TMEM59L: variants seen among roughly 807,000 people sequenced by gnomAD.
TMEM59L encodes transmembrane protein 59 like, also known as transmembrane protein 59-like.
In TMEM59L, 31 loss-of-function variants were observed where a neutral mutation model predicts 39.6. That is an observed-to-expected ratio of 0.78 (90% CI 0.59 to 1.06). TMEM59L has a LOEUF of 1.06. Ranked by LOEUF, TMEM59L falls within the 50% of genes least tolerant of loss-of-function variation. The pLI is 0.00. For synonymous variants in TMEM59L, 219 were observed against 202.9 expected (o/e 1.08, Z -0.68); for missense variants, 441 against 451.3 (o/e 0.98, Z 0.21).
At chr19:18,620,061 C>A (rs1412798638) in intron 7 of TMEM59L, among the ~76,000 whole-genome samples, 1 of 150,700 alleles carries the variant, frequency 6.6e-6, no homozygotes, top group African/African-American at 2.4e-5. Context: ...AATTCCAGCA[C>A]TTTGGGAGGC....
chr19:18,613,466 T>C (rs1438562018), intron 1 of TMEM59L, among the ~76,000 whole-genome samples: 1 of 149,282 alleles, frequency 6.7e-6, no homozygotes, highest in Non-Finnish European at 1.5e-5. Context: ...CTCCACATCG[T>C]GTTCCCTCCC....
chr19:18,613,049 C>G lies in TMEM59L; in HGVS notation c.91C>G (p.Pro31Ala), dbSNP rs1409726340. 4 of 1,388,764 alleles carry G rather than the reference C, an allele frequency of 2.9e-6. No individual in the cohort carries two copies. The allele number at this position is 1,388,764 out of a possible 1,614,324, so 86.0% of individuals were successfully genotyped here. The part of the protein sequence containing the change: ...PAASAPSARD[P>A]FAPQLGDTQN... ...CGCCTCCGCGCCGTCCGCCCGCGAT[C>G]CCTTCGCCCCCCAGCTCGGGGACAC... Residue 31 changes from proline (P) to alanine (A), a missense_variant, in exon 1 of 8, where the codon CCC (proline) becomes GCC (alanine). Pro to Ala is a conservative substitution (Grantham distance 27). Transcript: ENST00000262817.
In TMEM59L at chr19:18,620,556, C is replaced by T; in HGVS notation, c.*20C>T. 6.2e-7 allele frequency: 1 copy of T among 1,610,894 alleles called. No homozygotes were observed. ...CTGTAGGCCTCCACTGGCCCCATCACTGCCAACTGCAGGGGGCCCCTCGGG... is the reference window on the plus strand; with the variant it reads ...CTGTAGGCCTCCACTGGCCCCATCATTGCCAACTGCAGGGGGCCCCTCGGG... On this transcript the variant is annotated 3_prime_UTR_variant, in exon 8 of 8. Coordinates refer to ENST00000262817, the MANE Select transcript of TMEM59L (RefSeq NM_012109.3).
In TMEM59L at chr19:18,617,062, C is replaced by T; in HGVS notation, c.624C>T (p.Thr208=). The T allele has an allele frequency of 1.2e-6, 2 of 1,613,416 alleles. No homozygotes were observed. Among genetic ancestry groups the T allele is most frequent in the South Asian group, 1.1e-5 (1 of 91,080 alleles). The change falls in exon 5 of 8, where the codon ACC becomes ACT. Residue 208 remains threonine (T), a synonymous_variant. Transcript: ENST00000262817. ...GCCGTCTGCAGCGCGTGGAGGTGACCTGGCGAGGCTCCCACCCTGAAGCCC... is the reference window on the plus strand; with the variant it reads ...GCCGTCTGCAGCGCGTGGAGGTGACTTGGCGAGGCTCCCACCCTGAAGCCC... The part of the protein sequence containing the change: ...QGGRLQRVEV[T]WRGSHPEALE...
intron 4 of TMEM59L, 150 bp downstream of exon 4, chr19:18,616,277 C>A: frequency 1.2e-6 from 1 of 864,224 alleles, no homozygotes; most frequent in Non-Finnish European, 1.8e-6. Context: ...TGTCTCACTC[C>A]ATGCCTTGAC....
Position 18,620,406 on chromosome 19 carries a change from A to G in TMEM59L, c.901-2A>G. On this transcript the variant is annotated splice_acceptor_variant, in intron 7 of 7. Coordinates refer to ENST00000262817, the MANE Select transcript of TMEM59L (RefSeq NM_012109.3). LOFTEE classifies it high-confidence loss of function. The stretch of plus-strand genomic sequence containing the variant: ...CTTCCCTCCTCCCCTCTCTTCCTGC[A>G]GCCTCTGACCCTGGAGCAGCACAAG... The G allele has an allele frequency of 6.2e-7, 1 of 1,609,006 alleles. No homozygotes were observed. Among genetic ancestry groups the G allele is most frequent in the Non-Finnish European group, 8.5e-7 (1 of 1,177,298 alleles).
chr19:18,618,663 GTGTGTGTGTGTA>G (rs760548458), intron 7 of TMEM59L, among the ~76,000 whole-genome samples, 171 bp downstream of exon 7: 22,652 of 129,568 alleles, frequency 0.17, 2,177 homozygotes, highest in Non-Finnish European at 0.22. Flanking sequence ...GTGTGTGTGT[GTGTGTGTGTGTA>G]TATATATATA....
In TMEM59L at chr19:18,620,732, G is replaced by A. The variant is rs1278346300; in HGVS notation, c.*196G>A. The A allele has an allele frequency of 3.4e-5, 24 of 701,148 alleles. No individual in the cohort carries two copies. The highest frequency in any genetic ancestry group is 2.8e-4 in the East Asian group (9 of 32,038). 43.4% of individuals were successfully genotyped at this position (701,148 alleles called of 1,614,324 possible). A position where few individuals can be genotyped will look rare whatever the true frequency, so the allele number is the denominator to read the frequency against. The stretch of plus-strand genomic sequence containing the variant: ...CCCCAGCTGGGAAGAGGGCGGGATC[G>A]GGCACTGGTTCCTCCTTGTCCCCGC... On this transcript the variant is annotated 3_prime_UTR_variant, in exon 8 of 8. Transcript: ENST00000262817.
At chr19:18,615,947 C>A (rs899590013) in intron 3 of TMEM59L, 28 bp from the exon 4 acceptor site, 1 of 1,608,952 alleles carries the variant, frequency 6.2e-7, no homozygotes, top group Non-Finnish European at 8.5e-7. Flanking sequence ...TCGGTGCCAT[C>A]TTTGTGTCTT....
At position 18,620,725 on chromosome 19, in the gene TMEM59L, C is replaced by T. The variant is rs527404964; in HGVS notation, c.*189C>T. 2.0e-4 allele frequency: 155 copies of T among 779,350 alleles called. No individual in the cohort carries two copies. Among genetic ancestry groups the T allele is most frequent in the African/African-American group, 5.1e-4 (29 of 57,244 alleles). The allele number at this position is 779,350 out of a possible 1,614,324, so 48.3% of individuals were successfully genotyped here. On this transcript the variant is annotated 3_prime_UTR_variant, in exon 8 of 8. Transcript: ENST00000262817. ...CGCAGTGCCCCAGCTGGGAAGAGGG[C>T]GGGATCGGGCACTGGTTCCTCCTTG...
rs1449171494 is a variant in TMEM59L at position 18,614,164 on chromosome 19, G to T, written c.377G>T (p.Ser126Ile). 2 of 1,607,098 alleles carry T rather than the reference G, an allele frequency of 1.2e-6. No individual in the cohort carries two copies. The highest frequency in any genetic ancestry group is 2.2e-5 in the South Asian group (2 of 90,470). ...CAGGCCTGTAGCCACGGCTGCTGGAGCCAGCCCGCGGAGCCTGAGCCGGAG... is the reference window on the plus strand; with the variant it reads ...CAGGCCTGTAGCCACGGCTGCTGGATCCAGCCCGCGGAGCCTGAGCCGGAG... ...EQQACSHGCWSQPAEPEPEQK... is the reference protein window; with the variant it reads ...EQQACSHGCWIQPAEPEPEQK... The change falls in exon 3 of 8, where the codon AGC (serine) becomes ATC (isoleucine). Residue 126 changes from serine (S) to isoleucine (I), a missense_variant. Coordinates refer to ENST00000262817, the MANE Select transcript of TMEM59L (RefSeq NM_012109.3).
rs145706240 is a variant in TMEM59L at position 18,613,913 on chromosome 19, C to A, written c.213C>A (p.Ala71=). The change falls in exon 2 of 8, where the codon GCC becomes GCA. Residue 71 remains alanine (A), a synonymous_variant. Coordinates refer to ENST00000262817, the MANE Select transcript of TMEM59L (RefSeq NM_012109.3). Reference sequence around the variant, plus strand: ...CCTCCGAGTCTCCCTATGACAGAGCCGTTCTGATCAGCGCTTGCGAGCGTG... The same window carrying A: ...CCTCCGAGTCTCCCTATGACAGAGCAGTTCTGATCAGCGCTTGCGAGCGTG... ...EGASESPYDR[A]VLISACERGC... The A allele has an allele frequency of 1.8e-4, 290 of 1,612,962 alleles. 1 individual carries two copies. Among genetic ancestry groups the A allele is most frequent in the Middle Eastern group, 4.9e-4 (3 of 6,084 alleles).
At chr19:18,614,050 G>A (rs373373848) in intron 2 of TMEM59L, 34 bp downstream of exon 2, 4 of 1,612,946 alleles carry the variant, frequency 2.5e-6, no homozygotes, top group East Asian at 2.2e-5. Context: ...GCCAGCGTGG[G>A]GAGAGGTGGC....
At chr19:18,613,738 C>T in intron 1 of TMEM59L, 134 bp from the exon 2 acceptor site, 2 of 685,876 alleles carry the variant, frequency 2.9e-6, no homozygotes, top group Non-Finnish European at 4.9e-6. Flanking sequence ...TAGCCTCTCC[C>T]AACTTCATCT....
Position 18,620,671 on chromosome 19 carries a change from C to A in TMEM59L, c.*135C>A. ...CCAAATCCTTCCTCTCCTCCCAGTC[C>A]CACCCCTTGCCCCACGGAGTCCTGG... On this transcript the variant is annotated 3_prime_UTR_variant, in exon 8 of 8. Coordinates refer to ENST00000262817, the MANE Select transcript of TMEM59L (RefSeq NM_012109.3). The A allele has an allele frequency of 7.6e-7, 1 of 1,307,260 alleles. No individual in the cohort carries two copies. Among genetic ancestry groups the A allele is most frequent in the Non-Finnish European group, 1.0e-6 (1 of 992,734 alleles). The allele number at this position is 1,307,260 out of a possible 1,614,324, so 81.0% of individuals were successfully genotyped here. A position where few individuals can be genotyped will look rare whatever the true frequency, so the allele number is the denominator to read the frequency against.
Position 18,620,765 on chromosome 19 carries a change from G to A in TMEM59L, c.*229G>A. 2.1e-6 allele frequency: 1 copy of A among 483,292 alleles called. No individual in the cohort carries two copies. The highest frequency in any genetic ancestry group is 3.5e-6 in the Non-Finnish European group (1 of 284,430). 29.9% of individuals were successfully genotyped at this position (483,292 alleles called of 1,614,324 possible). A position where few individuals can be genotyped will look rare whatever the true frequency, so the allele number is the denominator to read the frequency against. On this transcript the variant is annotated 3_prime_UTR_variant, in exon 8 of 8. Coordinates refer to ENST00000262817, the MANE Select transcript of TMEM59L (RefSeq NM_012109.3). ...GTTCCTCCTTGTCCCCGCTTTCTTG[G>A]GGGCTTGCTACTTTTTGTCTTCTAT...
At chr19:18,616,878 C>A (rs1033827336) in intron 4 of TMEM59L, 122 bp from the exon 5 acceptor site, 3 of 733,410 alleles carry the variant, frequency 4.1e-6, no homozygotes, top group Non-Finnish European at 6.9e-6. Flanking sequence ...TCAAGCCCAC[C>A]CCTGATACCC....
At chr19:18,619,753 G>C (rs4808140) in intron 7 of TMEM59L, among the ~76,000 whole-genome samples, 25,507 of 148,366 alleles carry the variant, frequency 0.17, 3,342 homozygotes, top group African/African-American at 0.37. Context: ...GCAGTGAGCC[G>C]AGATCGCGCC....
intron 4 of TMEM59L, 95 bp downstream of exon 4, chr19:18,616,222 T>G (rs771976917): frequency 4.7e-6 from 7 of 1,484,458 alleles, no homozygotes; most frequent in Non-Finnish European, 5.5e-6. Context: ...AGATGCAAAG[T>G]CCACAGTGGG....
Sources: gnomAD v4.1 joint callset for allele counts (sites outside exome capture counted in the v4.1 genomes callset) on GRCh38, gnomAD v4.1.1 for gene constraint, MANE v1.5 for transcripts, NCBI Gene and HGNC (gene_info 2026-07-23, HGNC 2026-07-21) for gene names.